The following CREB1 variants were observed in gnomAD, a reference collection of about 807,000 sequenced individuals.
The protein encoded by CREB1 is cAMP responsive element binding protein 1.
Under a neutral mutation model 42.0 loss-of-function variants are expected in CREB1, and 2 were observed. The observed-to-expected ratio is 0.05, with a 90% CI of 0.02 to 0.15. The LOEUF is 0.15. CREB1 is among the 10% of genes least tolerant of loss of function. The probability of loss-of-function intolerance (pLI) is 1.00; values close to 1 mark genes in which losing one functional copy is unlikely to be tolerated. For synonymous variants in CREB1, 123 were observed against 139.9 expected (o/e 0.88, Z 0.85); for missense variants, 199 against 388.9 (o/e 0.51, Z 4.11).
At chr2:207,583,030 AAAG>A (rs967152012) in intron 7 of CREB1, 6 of 154,048 alleles carry the variant, frequency 3.9e-5, no homozygotes, top group Non-Finnish European at 5.9e-5. Context: ...TTCAAGAAAA[AAAG>A]TAACAATATA....
intron 1 of CREB1, among the ~76,000 whole-genome samples, chr2:207,533,957 T>G (rs1183469934): frequency 6.6e-6 from 1 of 152,216 alleles, no homozygotes; most frequent in African/African-American, 2.4e-5. Flanking sequence ...TCCTTATATG[T>G]AAAATTAGAA....
intron 7 of CREB1, among the ~76,000 whole-genome samples, chr2:207,584,334 A>G (rs1205905447): frequency 1.3e-5 from 2 of 151,990 alleles, no homozygotes; most frequent in African/African-American, 4.8e-5. Flanking sequence ...TGTCAGGTTT[A>G]TTGTTTGTCC....
chr2:207,576,564 G>A (rs895610293), intron 6 of CREB1: 6 of 546,360 alleles, frequency 1.1e-5, no homozygotes, highest in South Asian at 1.7e-5. Flanking sequence ...GTTATTAAAC[G>A]AGTATTTGAA....
At chr2:207,550,549 A>G (rs2081464127) in intron 1 of CREB1, 1 of 152,162 alleles carries the variant, frequency 6.6e-6, no homozygotes, top group South Asian at 2.1e-4. Context: ...GTTGACGATT[A>G]TAAGGACTGG....
intron 1 of CREB1, among the ~76,000 whole-genome samples, chr2:207,540,006 T>C (rs2081031171): frequency 6.6e-6 from 1 of 152,156 alleles, no homozygotes; most frequent in Non-Finnish European, 1.5e-5. Context: ...CAATGATAAA[T>C]TGGGCTGAAA....
chr2:207,541,358 A>C (rs975467507), intron 1 of CREB1, among the ~76,000 whole-genome samples: 1 of 152,046 alleles, frequency 6.6e-6, no homozygotes, highest in African/African-American at 2.4e-5. Flanking sequence ...TGTGATAAGC[A>C]CCCTGTACAG....
At chr2:207,535,744 C>T (rs1189888383) in intron 1 of CREB1, among the ~76,000 whole-genome samples, 2 of 151,546 alleles carry the variant, frequency 1.3e-5, no homozygotes, top group Admixed American at 1.3e-4. Flanking sequence ...CGTTTCACTA[C>T]CTTTTTTTTT....
rs1490989860 is a variant in CREB1 at position 207,598,753 on chromosome 2, A to C, written c.*1695A>C. ...TCCCAGCTACTCAGGAGGTTGAGGCAGCAGAATTGCTTGAACCCAGGAGGC... is the reference window on the plus strand; with the variant it reads ...TCCCAGCTACTCAGGAGGTTGAGGCCGCAGAATTGCTTGAACCCAGGAGGC... On this transcript the variant is annotated 3_prime_UTR_variant, in exon 8 of 8. Transcript: ENST00000353267. 1 of 165,820 alleles carries C rather than the reference A, an allele frequency of 6.0e-6. No homozygotes were observed. The highest frequency in any genetic ancestry group is 1.3e-5 in the Non-Finnish European group (1 of 76,206). The allele number at this position is 165,820 out of a possible 1,614,324, so 10.3% of individuals were successfully genotyped here.
intron 1 of CREB1, among the ~76,000 whole-genome samples, chr2:207,543,517 G>A (rs1200000236): frequency 6.6e-6 from 1 of 152,028 alleles, no homozygotes; most frequent in Non-Finnish European, 1.5e-5. Flanking sequence ...AGTAAGTAAG[G>A]CGTAGTCTTC....
chr2:207,575,013 C>CTTA (rs1277989627), intron 5 of CREB1, among the ~76,000 whole-genome samples: 1 of 152,134 alleles, frequency 6.6e-6, no homozygotes, highest in East Asian at 1.9e-4. Flanking sequence ...AGGAATTTAA[C>CTTA]ATTTTTCCAC....
chr2:207,538,178 A>G (rs2080951198), intron 1 of CREB1, among the ~76,000 whole-genome samples: 1 of 151,834 alleles, frequency 6.6e-6, no homozygotes, highest in Admixed American at 6.5e-5. Flanking sequence ...ACCCTGTATT[A>G]TATTTTGCCC....
chr2:207,579,229 T>C (rs1015079555), intron 7 of CREB1, among the ~76,000 whole-genome samples: 15 of 152,290 alleles, frequency 9.8e-5, no homozygotes, highest in African/African-American at 3.4e-4. Flanking sequence ...TAAAATATTT[T>C]CAGTTTTTAA....
At position 207,598,152 on chromosome 2, in the gene CREB1, C is replaced by G; in HGVS notation, c.*1094C>G. On this transcript the variant is annotated 3_prime_UTR_variant, in exon 8 of 8. Coordinates refer to ENST00000353267, the MANE Select transcript of CREB1 (RefSeq NM_004379.5). The stretch of plus-strand genomic sequence containing the variant: ...ATATTAACAATTTAACAGAGAATCT[C>G]TAGTGAATTTTTTAAATGAAAGAAG... 1 of 180,514 alleles carries G rather than the reference C, an allele frequency of 5.5e-6. No homozygotes were observed. The highest frequency in any genetic ancestry group is 1.2e-5 in the Non-Finnish European group (1 of 84,440). 11.2% of individuals were successfully genotyped at this position (180,514 alleles called of 1,614,324 possible).
chr2:207,581,574 C>T, intron 7 of CREB1: 1 of 259,352 alleles, frequency 3.9e-6, no homozygotes, highest in East Asian at 6.1e-5. Context: ...TTTTTTTACT[C>T]AAACCAGTAC....
At chr2:207,545,136 C>A (rs1272944219) in intron 1 of CREB1, among the ~76,000 whole-genome samples, 1 of 152,122 alleles carries the variant, frequency 6.6e-6, no homozygotes, top group Non-Finnish European at 1.5e-5. Context: ...TGAGGTATTG[C>A]CACACTGTCT....
intron 1 of CREB1, among the ~76,000 whole-genome samples, chr2:207,553,527 G>A (rs955896923): frequency 2.0e-5 from 3 of 152,052 alleles, no homozygotes; most frequent in African/African-American, 7.2e-5. Flanking sequence ...TAATTTTTAA[G>A]TTTTCTTATA....
chr2:207,575,384 C>T lies in CREB1; in HGVS notation c.618C>T (p.Thr206=), dbSNP rs766170317. Residue 206 remains threonine (T), a synonymous_variant, in exon 6 of 8, where the codon ACC becomes ACT. Coordinates refer to ENST00000353267, the MANE Select transcript of CREB1 (RefSeq NM_004379.5). ...CAGCAGCCACTCAGCCGGGTACTAC[C>T]ATTCTACAGTATGCACAGACCACTG... ...TNAAATQPGT[T]ILQYAQTTDG... is the part of the protein sequence containing the mutation. The T allele has an allele frequency of 7.4e-6, 12 of 1,613,982 alleles. 2 individuals carry two copies. In the East Asian group the frequency reaches 8.9e-5, roughly 12 times the overall value.
At position 207,576,735 on chromosome 2, in the gene CREB1, C is replaced by T. The variant is rs1044739301; in HGVS notation, c.689-770C>T. 5.2e-6 allele frequency: 6 copies of T among 1,160,030 alleles called. No individual in the cohort carries two copies. The African/African-American group carries it at 9.8e-5, about 19-fold the overall frequency. 71.9% of individuals were successfully genotyped at this position (1,160,030 alleles called of 1,614,324 possible). A position where few individuals can be genotyped will look rare whatever the true frequency, so the allele number is the denominator to read the frequency against. ...ATAAATCTTTTCCACTCAAACCATA[C>T]ATTTTAATTGATATTAATAATTAAT... On this transcript the variant is annotated intron_variant, in intron 6 of 7. Transcript: ENST00000353267.
rs1451241348 is a variant in CREB1 at position 207,599,770 on chromosome 2, CAT to C, written c.*2714_*2715del. 1 of 195,494 alleles carries C rather than the reference CAT, an allele frequency of 5.1e-6. No homozygotes were observed. The highest frequency in any genetic ancestry group is 1.1e-5 in the Non-Finnish European group (1 of 94,212). The allele number at this position is 195,494 out of a possible 1,614,324, so 12.1% of individuals were successfully genotyped here. A position where few individuals can be genotyped will look rare whatever the true frequency, so the allele number is the denominator to read the frequency against. ...TTGAGAATCTTTATTAAGAAAATGA[CAT>C]AATTTTTAAAAACCTTGTAGCCAAG... is the stretch of plus-strand genomic sequence containing the variant. On this transcript the variant is annotated 3_prime_UTR_variant, in exon 8 of 8. Coordinates refer to ENST00000353267, the MANE Select transcript of CREB1 (RefSeq NM_004379.5).
Sources: allele counts gnomAD v4.1 joint callset (sites outside exome capture counted in the v4.1 genomes callset), GRCh38; gene constraint gnomAD v4.1.1; transcripts MANE v1.5; gene names NCBI Gene and HGNC (gene_info 2026-07-23, HGNC 2026-07-21).